BSN: variants seen among roughly 807,000 people sequenced by gnomAD.
The protein encoded by BSN is protein bassoon.
BSN carries 57 observed loss-of-function variants against 264.8 expected under a neutral mutation model. That is an observed-to-expected ratio of 0.22 (90% confidence interval 0.17 to 0.27). The LOEUF (loss-of-function observed/expected upper bound fraction) is 0.27, where lower values mean the gene tolerates loss of function less well. Among genes scored for constraint, BSN ranks in the 10% least tolerant of loss-of-function variants. The pLI is 1.00. For synonymous variants in BSN, 2,059 were observed against 2,137.3 expected, an observed-to-expected ratio of 0.96 and a Z score of 1.01; for missense variants, 4,615 against 5,232.5, an observed-to-expected ratio of 0.88 and a Z score of 3.64.
Position 49,585,366 on chromosome 3 carries a change from T to A in BSN, c.224+30540T>A, listed in dbSNP as rs539101911. On this transcript the variant is annotated intron_variant, in intron 1 of 11. Transcript: ENST00000296452. This position sits in a 1 kb window ranked among gnomAD's most constrained non-coding sequence, Gnocchi z 4.7. The stretch of plus-strand genomic sequence containing the variant: ...TATCTTCTGCACATATTTCACTAAT[T>A]ATTTCCTCTCGGAACTCCTCCCCTC... 4.6e-5 allele frequency among the ~76,000 whole-genome samples: 7 copies of A among 152,306 alleles called. No individual in the cohort carries two copies. Among genetic ancestry groups the A allele is most frequent in the Admixed American group, 3.9e-4 (6 of 15,304 alleles).
At chr3:49,555,890 ATTC>A (rs936032728) in intron 1 of BSN, among the ~76,000 whole-genome samples, 20 of 152,128 alleles carry the variant, frequency 1.3e-4, no homozygotes, top group African/African-American at 4.1e-4. Context: ...ATAATTTTTT[ATTC>A]TTTGGCTGCC....
At chr3:49,649,008 G>A (rs1325601814) in intron 3 of BSN, among the ~76,000 whole-genome samples, 1 of 152,180 alleles carries the variant, frequency 6.6e-6, no homozygotes, top group East Asian at 1.9e-4. Flanking sequence ...CACACACCAA[G>A]GCCCTGCCAC....
At chr3:49,611,496 G>A (rs955050575) in intron 1 of BSN, among the ~76,000 whole-genome samples, 2 of 152,186 alleles carry the variant, frequency 1.3e-5, no homozygotes, top group Admixed American at 1.3e-4. Flanking sequence ...GAACTCCTGG[G>A]CTATACTTGA....
In BSN at chr3:49,660,692, G is replaced by A; in HGVS notation, c.8847G>A (p.Arg2949=). 2.5e-6 allele frequency: 4 copies of A among 1,613,170 alleles called. No homozygotes were observed. The highest frequency in any genetic ancestry group is 3.4e-6 in the Non-Finnish European group (4 of 1,179,928). The change falls in exon 6 of 12, where the codon CGG becomes CGA. Residue 2949 remains arginine (R), a synonymous_variant. Coordinates refer to ENST00000296452, the MANE Select transcript of BSN (RefSeq NM_003458.4). The surrounding 1 kb of genome is among the most constrained non-coding windows in gnomAD (Gnocchi z 7.1). ...SLLRELDRDL[R]LVEHESTKLR... Reference sequence around the variant, plus strand: ...TCCGGGAGCTGGACCGGGACCTGCGGCTGGTGGAGCATGAGTCCACCAAAC... The same window carrying A: ...TCCGGGAGCTGGACCGGGACCTGCGACTGGTGGAGCATGAGTCCACCAAAC...
At chr3:49,631,223 G>C (rs1381222874) in intron 2 of BSN, among the ~76,000 whole-genome samples, 2 of 151,890 alleles carry the variant, frequency 1.3e-5, no homozygotes, top group Non-Finnish European at 2.9e-5. Context: ...AAGGAGGGGA[G>C]GGCTATGGCG....
At chr3:49,617,908 G>A (rs1308360278) in intron 1 of BSN, among the ~76,000 whole-genome samples, 3 of 152,144 alleles carry the variant, frequency 2.0e-5, no homozygotes, top group Non-Finnish European at 4.4e-5. Context: ...ACTCATAGGT[G>A]TAGCCTTTCT....
chr3:49,613,350 A>AGAGAC (rs1553662899), intron 1 of BSN, among the ~76,000 whole-genome samples: 2 of 18,054 alleles, frequency 1.1e-4, no homozygotes, highest in South Asian at 2.3e-3. Context: ...GAGAGAGAGA[A>AGAGAC]GGGCTGGCCC....
chr3:49,632,286 A>G (rs1283482746), intron 2 of BSN, among the ~76,000 whole-genome samples: 1 of 152,224 alleles, frequency 6.6e-6, no homozygotes, highest in African/African-American at 2.4e-5. Flanking sequence ...CTTGGATATG[A>G]CACCAACAGC....
chr3:49,600,260 C>T (rs1215521157), intron 1 of BSN, among the ~76,000 whole-genome samples: 1 of 151,902 alleles, frequency 6.6e-6, no homozygotes, highest in African/African-American at 2.4e-5. Context: ...GGGATGTTGG[C>T]AGAGGAATGG....
At chr3:49,596,372 C>T (rs1010107198) in intron 1 of BSN, among the ~76,000 whole-genome samples, 1 of 152,184 alleles carries the variant, frequency 6.6e-6, no homozygotes. Context: ...CCACTGTACT[C>T]CAGCCTGGGT....
At chr3:49,582,093 G>A (rs926629482) in intron 1 of BSN, among the ~76,000 whole-genome samples, 5 of 152,112 alleles carry the variant, frequency 3.3e-5, no homozygotes, top group Admixed American at 6.5e-5. Context: ...CAGCTGTACC[G>A]TTTTACATTT....
chr3:49,576,089 T>TACAA (rs2051843518), intron 1 of BSN, among the ~76,000 whole-genome samples: 1 of 152,206 alleles, frequency 6.6e-6, no homozygotes, highest in African/African-American at 2.4e-5. Context: ...AGGTGTTGTC[T>TACAA]CTTACTGAAT....
chr3:49,640,003 G>A (rs1023158803), intron 2 of BSN, among the ~76,000 whole-genome samples: 6 of 151,938 alleles, frequency 3.9e-5, no homozygotes, highest in Non-Finnish European at 2.9e-5. Context: ...ACCTGTAGCA[G>A]TAGCCCTGGG....
rs779318019 is a variant in BSN at position 49,656,429 on chromosome 3, T to A, written c.6873T>A (p.Pro2291=). ...YLGKPAAAKA[P]GAGGPSRPEM... ...GGAAACCTGCTGCTGCCAAGGCCCC[T>A]GGGGCTGGGGGCCCTTCAAGGCCAG... Residue 2291 remains proline (P), a synonymous_variant, in exon 5 of 12, where the codon CCT becomes CCA. Coordinates refer to ENST00000296452, the MANE Select transcript of BSN (RefSeq NM_003458.4). The A allele has an allele frequency of 1.3e-6, 2 of 1,590,088 alleles. No homozygotes were observed. Among genetic ancestry groups the A allele is most frequent in the East Asian group, 4.5e-5 (2 of 44,600 alleles).
At chr3:49,614,452 A>G (rs904027890) in intron 1 of BSN, among the ~76,000 whole-genome samples, 3 of 152,200 alleles carry the variant, frequency 2.0e-5, no homozygotes, top group Non-Finnish European at 4.4e-5. Flanking sequence ...TGGAAAAGCC[A>G]TGGGATAGAG....
intron 2 of BSN, among the ~76,000 whole-genome samples, chr3:49,629,696 G>A (rs1015435244): frequency 6.6e-6 from 1 of 152,220 alleles, no homozygotes; most frequent in Non-Finnish European, 1.5e-5. Context: ...TCCTCCCAGA[G>A]CACCATCTAG....
rs868103634 is a variant in BSN at position 49,663,385 on chromosome 3, G to A, written c.11227G>A (p.Ala3743Thr). 1.9e-6 allele frequency: 3 copies of A among 1,613,062 alleles called. No homozygotes were observed. The highest frequency in any genetic ancestry group is 2.5e-6 in the Non-Finnish European group (3 of 1,179,988). The change falls in exon 7 of 12, where the codon GCG becomes ACG. Residue 3743 changes from alanine (A) to threonine (T), a missense_variant. Transcript: ENST00000296452. ...ACTGCAGTCAAAGGCAGAACCCCAG[G>A]CGCAGCCGCAGCTGCAAGGTCGGCA... ...AALQSKAEPQ[A>T]QPQLQGRQAA...
In BSN at chr3:49,658,037, C is replaced by T. The variant is rs141936064; in HGVS notation, c.8481C>T (p.His2827=). Residue 2827 remains histidine, a synonymous_variant, in exon 5 of 12, where the codon CAC becomes CAT. Transcript: ENST00000296452. ...LNKAHVSPQK[H]FTADSALRQQ... The stretch of plus-strand genomic sequence containing the variant: ...AAGCTCACGTGAGTCCCCAGAAGCA[C>T]TTCACGGCTGACAGCGCTCTCCGCC... 28 of 1,613,510 alleles carry T rather than the reference C, an allele frequency of 1.7e-5. No homozygotes were observed. The highest frequency in any genetic ancestry group is 1.9e-5 in the Non-Finnish European group (22 of 1,179,992).
intron 1 of BSN, among the ~76,000 whole-genome samples, chr3:49,598,781 C>T (rs2052047633): frequency 6.6e-6 from 1 of 152,144 alleles, no homozygotes; most frequent in Admixed American, 6.6e-5. Context: ...GATATACTCT[C>T]ACTATTGTTA....
Sources: allele counts gnomAD v4.1 joint callset (sites outside exome capture counted in the v4.1 genomes callset), GRCh38; gene constraint gnomAD v4.1.1; non-coding constraint Gnocchi (gnomAD v3.1); transcripts MANE v1.5; gene names NCBI Gene and HGNC (gene_info 2026-07-23, HGNC 2026-07-21).